Variants in ULK4 observed in about 807,000 individuals in gnomAD.
ULK4 encodes the protein unc-51 like kinase 4.
A neutral mutation model predicts 160.6 loss-of-function variants in ULK4; 133 were observed. The ratio of observed to expected loss-of-function variants is 0.83; its 90% CI spans 0.72 to 0.96. ULK4 has a LOEUF of 0.96. Ranked by LOEUF, ULK4 falls within the 40% of genes least tolerant of loss-of-function variation. The pLI is 0.00. For missense variants in ULK4, 1,580 were observed against 1,499.5 expected (o/e 1.05, Z -0.89); for synonymous variants, 534 against 539.8 (o/e 0.99, Z 0.15).
At chr3:41,503,801 C>T (rs1325715910) in intron 32 of ULK4, among the ~76,000 whole-genome samples, 1 of 152,134 alleles carries the variant, frequency 6.6e-6, no homozygotes, top group East Asian at 1.9e-4. Context: ...AATACTCTCT[C>T]CTTCTGAAAA....
rs527526476 is a variant in ULK4, at chr3:41,642,550, T to C, written c.3071+21057A>G. On this transcript the variant is annotated intron_variant, in intron 30 of 36. Coordinates refer to ENST00000301831, the MANE Select transcript of ULK4 (RefSeq NM_017886.4). ...TTTTTTATGGCTGCACAGTATTCCA[T>C]GGTGTATATGTGCCACATTTTCTTA... Among the ~76,000 whole-genome samples the C allele has an allele frequency of 5.9e-5, 9 of 152,330 alleles. No individual in the cohort carries two copies. In the South Asian group the frequency reaches 1.2e-3, roughly 21 times the overall value.
At chr3:41,406,835 A>G (rs1046985533) in intron 34 of ULK4, among the ~76,000 whole-genome samples, 1 of 152,250 alleles carries the variant, frequency 6.6e-6, no homozygotes, top group Non-Finnish European at 1.5e-5. Context: ...ATACAAATGC[A>G]TGAAGCAATG....
intron 34 of ULK4, among the ~76,000 whole-genome samples, chr3:41,405,521 A>G (rs896854447): frequency 6.6e-6 from 1 of 152,100 alleles, no homozygotes; most frequent in Non-Finnish European, 1.5e-5. Context: ...TCAAACAGTA[A>G]TTCTGCTTTA....
At chr3:41,504,994 A>C (rs1043763552) in intron 32 of ULK4, among the ~76,000 whole-genome samples, 1 of 152,168 alleles carries the variant, frequency 6.6e-6, no homozygotes, top group Admixed American at 6.6e-5. Context: ...GATGAGGAAG[A>C]AGTTCAGACA....
chr3:41,282,846 C>T (rs995007569), intron 35 of ULK4, among the ~76,000 whole-genome samples: 35 of 152,192 alleles, frequency 2.3e-4, no homozygotes, highest in Admixed American at 2.2e-3. Flanking sequence ...AAGAAACTAT[C>T]ATCAGAGTGA....
rs529343221 is a variant in ULK4 at position 41,246,906 on chromosome 3, G to A, written c.*23C>T. The A allele has an allele frequency of 6.2e-7, 1 of 1,612,008 alleles. No homozygotes were observed. Among genetic ancestry groups the A allele is most frequent in the Non-Finnish European group, 8.5e-7 (1 of 1,179,248 alleles). On this transcript the variant is annotated 3_prime_UTR_variant, in exon 37 of 37. Transcript: ENST00000301831. ...TCCGAGGGCTGGGGCCACAGGGCGG[G>A]CTTGTGCTAAGCACCTTCTTGCCTA... is the stretch of plus-strand genomic sequence containing the variant.
At chr3:41,748,266 T>C (rs980945784) in intron 22 of ULK4, among the ~76,000 whole-genome samples, 4 of 150,960 alleles carry the variant, frequency 2.6e-5, no homozygotes, top group Admixed American at 2.0e-4. Context: ...CATATATATA[T>C]ACACACACGA....
At chr3:41,844,282 C>A (rs1172990663) in intron 17 of ULK4, among the ~76,000 whole-genome samples, 1 of 152,124 alleles carries the variant, frequency 6.6e-6, no homozygotes, top group Non-Finnish European at 1.5e-5. Flanking sequence ...GAGGCTCAGG[C>A]ATGGTGGGCT....
chr3:41,684,290 G>C (rs1417568144), intron 27 of ULK4, among the ~76,000 whole-genome samples: 1 of 152,214 alleles, frequency 6.6e-6, no homozygotes, highest in African/African-American at 2.4e-5. Context: ...GTGCACACCA[G>C]TTGAGTGAAA....
At chr3:41,825,547 G>C (rs186493416) in intron 18 of ULK4, among the ~76,000 whole-genome samples, 1 of 152,358 alleles carries the variant, frequency 6.6e-6, no homozygotes, top group East Asian at 1.9e-4. Context: ...CGATCAACTG[G>C]AAGAAAGGGT....
At chr3:41,833,387 C>A (rs1189911338) in intron 18 of ULK4, among the ~76,000 whole-genome samples, 1 of 151,916 alleles carries the variant, frequency 6.6e-6, no homozygotes, top group African/African-American at 2.4e-5. Context: ...ACTCCGCCTC[C>A]CGGGTTCAAG....
At chr3:41,440,541 T>A (rs2083140657) in intron 34 of ULK4, among the ~76,000 whole-genome samples, 1 of 152,128 alleles carries the variant, frequency 6.6e-6, no homozygotes, top group African/African-American at 2.4e-5. Context: ...TCTTTCAATA[T>A]ATGGTTAGAT....
At chr3:41,463,666 C>G (rs925414599) in intron 32 of ULK4, among the ~76,000 whole-genome samples, 2 of 152,166 alleles carry the variant, frequency 1.3e-5, no homozygotes, top group Admixed American at 6.5e-5. Flanking sequence ...TATCTAGCAA[C>G]TGGGTGGTTT....
At chr3:41,511,212 A>G (rs577311179) in intron 32 of ULK4, among the ~76,000 whole-genome samples, 5 of 151,890 alleles carry the variant, frequency 3.3e-5, no homozygotes, top group South Asian at 2.1e-4. Context: ...CAGACGCTCT[A>G]AGGTCACACC....
At chr3:41,727,401 T>C (rs1202906965) in intron 22 of ULK4, among the ~76,000 whole-genome samples, 1 of 152,004 alleles carries the variant, frequency 6.6e-6, no homozygotes, top group African/African-American at 2.4e-5. Flanking sequence ...AACCAGAAAA[T>C]AGCTTAGGTG....
intron 21 of ULK4, among the ~76,000 whole-genome samples, chr3:41,760,310 G>A (rs1252206071): frequency 6.6e-6 from 1 of 152,162 alleles, no homozygotes; most frequent in Non-Finnish European, 1.5e-5. Flanking sequence ...TACATTGCTA[G>A]TGGGAATGCA....
At chr3:41,375,214 T>G (rs1471499721) in intron 35 of ULK4, among the ~76,000 whole-genome samples, 1 of 152,174 alleles carries the variant, frequency 6.6e-6, no homozygotes, top group East Asian at 1.9e-4. Context: ...CTGCCCAAAG[T>G]AATTTACAGA....
chr3:41,292,647 A>G (rs1372573088), intron 35 of ULK4, among the ~76,000 whole-genome samples: 1 of 152,142 alleles, frequency 6.6e-6, no homozygotes, highest in Non-Finnish European at 1.5e-5. Context: ...CATCTCAAAA[A>G]AAGAAAAAGA....
At chr3:41,250,367 C>T (rs1296342552) in intron 35 of ULK4, among the ~76,000 whole-genome samples, 1 of 152,232 alleles carries the variant, frequency 6.6e-6, no homozygotes, top group Non-Finnish European at 1.5e-5. Context: ...GTAATAAACG[C>T]TTGTATGGCA....
Sources: allele counts gnomAD v4.1 joint callset (sites outside exome capture counted in the v4.1 genomes callset), GRCh38; gene constraint gnomAD v4.1.1; transcripts MANE v1.5; gene names NCBI Gene and HGNC (gene_info 2026-07-23, HGNC 2026-07-21).